The following CNTNAP4 variants were observed in gnomAD, a reference collection of about 807,000 sequenced individuals.
The protein encoded by CNTNAP4 is contactin associated protein family member 4.
CNTNAP4 carries 98 observed loss-of-function variants against 148.4 expected under a neutral mutation model. That is an observed-to-expected ratio of 0.66 (90% CI 0.56 to 0.78). The LOEUF (loss-of-function observed/expected upper bound fraction) is 0.78. Ranked by LOEUF, CNTNAP4 falls within the 30% of genes least tolerant of loss-of-function variation. CNTNAP4 has a pLI of 0.00. For missense variants in CNTNAP4, 1,935 were observed against 1,565.6 expected (o/e 1.24, Z -3.98); for synonymous variants, 730 against 565.1 (o/e 1.29, Z -4.14).
At chr16:76,540,874 C>G (rs930021525) in intron 21 of CNTNAP4, 84 bp downstream of exon 21, 12 of 878,570 alleles carry the variant, frequency 1.4e-5, no homozygotes, top group Non-Finnish European at 1.9e-5. Flanking sequence ...TACACACACC[C>G]ACTTCGTCAT....
At chr16:76,494,233 G>A (rs16944480) in intron 13 of CNTNAP4, among the ~76,000 whole-genome samples, 2,804 of 152,174 alleles carry the variant, frequency 0.018, 31 homozygotes, top group South Asian at 0.025. Flanking sequence ...AACATTTATC[G>A]TAGGAAGAGA....
intron 2 of CNTNAP4, among the ~76,000 whole-genome samples, chr16:76,334,087 C>T (rs113149831): frequency 0.011 from 1,733 of 151,626 alleles, 35 homozygotes; most frequent in African/African-American, 0.039. Context: ...CACTAAATGA[C>T]GAGTTAATGG....
intron 15 of CNTNAP4, among the ~76,000 whole-genome samples, chr16:76,502,368 TA>T (rs2082684468): frequency 6.7e-6 from 1 of 148,648 alleles, no homozygotes; most frequent in South Asian, 2.1e-4. Flanking sequence ...ACGCCATAGG[TA>T]CTTTTTTTTT....
At chr16:76,433,217 A>G (rs1337714905) in intron 4 of CNTNAP4, among the ~76,000 whole-genome samples, 1 of 152,146 alleles carries the variant, frequency 6.6e-6, no homozygotes. Context: ...CAAGCTTAGT[A>G]AGCCTCAGGA....
At chr16:76,450,704 A>G (rs1228650288) in intron 7 of CNTNAP4, among the ~76,000 whole-genome samples, 1 of 152,228 alleles carries the variant, frequency 6.6e-6, no homozygotes, top group East Asian at 1.9e-4. Flanking sequence ...GCATCGGCCA[A>G]TCTGTCCAAA....
chr16:76,383,779 GA>G (rs1555539557), intron 3 of CNTNAP4, among the ~76,000 whole-genome samples: 7 of 152,160 alleles, frequency 4.6e-5, no homozygotes, highest in Non-Finnish European at 2.9e-5. Flanking sequence ...GTCTGGGACT[GA>G]ATTTAAAATA....
At chr16:76,481,401 C>T (rs904628705) in intron 12 of CNTNAP4, among the ~76,000 whole-genome samples, 7 of 152,132 alleles carry the variant, frequency 4.6e-5, no homozygotes, top group South Asian at 4.2e-4. Context: ...AAATAACAGC[C>T]GGGTGCAGTG....
intron 2 of CNTNAP4, among the ~76,000 whole-genome samples, chr16:76,334,797 C>T (rs374184795): frequency 5.3e-5 from 8 of 152,018 alleles, no homozygotes; most frequent in Non-Finnish European, 1.0e-4. Context: ...GTGTTAGTGA[C>T]TCCTGCTTTA....
chr16:76,342,718 C>T (rs1271428641), intron 2 of CNTNAP4, among the ~76,000 whole-genome samples: 1 of 151,980 alleles, frequency 6.6e-6, no homozygotes, highest in East Asian at 1.9e-4. Context: ...GTGATCTGCC[C>T]ACCTCGGCAT....
At chr16:76,303,498 G>A (rs952521234) in intron 1 of CNTNAP4, among the ~76,000 whole-genome samples, 2 of 152,152 alleles carry the variant, frequency 1.3e-5, no homozygotes, top group Non-Finnish European at 2.9e-5. Flanking sequence ...ATTTCAGGTT[G>A]AAAATATCAG....
chr16:76,499,079 T>C (rs908491103), intron 15 of CNTNAP4, among the ~76,000 whole-genome samples: 5 of 151,114 alleles, frequency 3.3e-5, no homozygotes, highest in African/African-American at 1.2e-4. Flanking sequence ...TTTTTTTTTT[T>C]TTTTTTGAGA....
At chr16:76,541,005 G>A (rs1009788431) in intron 21 of CNTNAP4, among the ~76,000 whole-genome samples, 1 of 152,026 alleles carries the variant, frequency 6.6e-6, no homozygotes, top group Non-Finnish European at 1.5e-5. Flanking sequence ...TGATGGTAAG[G>A]TCACTCTGGT....
intron 13 of CNTNAP4, among the ~76,000 whole-genome samples, chr16:76,491,314 G>A (rs1164365028): frequency 6.6e-6 from 1 of 152,214 alleles, no homozygotes; most frequent in African/African-American, 2.4e-5. Flanking sequence ...AGCTGGAGGT[G>A]TGGGTGTGTT....
intron 3 of CNTNAP4, among the ~76,000 whole-genome samples, chr16:76,365,007 G>C (rs1240812423): frequency 6.6e-6 from 1 of 152,102 alleles, no homozygotes; most frequent in Admixed American, 6.6e-5. Flanking sequence ...TATGGTTATA[G>C]GTCTTACGTT....
At chr16:76,316,582 C>A (rs1431470205) in intron 2 of CNTNAP4, 59 bp downstream of exon 2, 1 of 1,079,978 alleles carries the variant, frequency 9.3e-7, no homozygotes, top group Non-Finnish European at 1.4e-6. Context: ...TTTTCATTAT[C>A]TTTGCATACA....
At chr16:76,294,744 A>C (rs1049390574) in intron 1 of CNTNAP4, among the ~76,000 whole-genome samples, 1 of 152,142 alleles carries the variant, frequency 6.6e-6, no homozygotes, top group African/African-American at 2.4e-5. Context: ...CATTTCATTC[A>C]TTTATTCACT....
At position 76,559,614 on chromosome 16, in the gene CNTNAP4, A is replaced by C. The variant is rs2085340321; in HGVS notation, c.*931A>C. ...ATATACTTATGAGACTATTTTGCCC[A>C]AACCTAGATCAGTCCTTTATTGGTT... is the stretch of plus-strand genomic sequence containing the variant. On this transcript the variant is annotated 3_prime_UTR_variant, in exon 24 of 24. Coordinates refer to ENST00000611870, the MANE Select transcript of CNTNAP4 (RefSeq NM_033401.5). Among the ~76,000 whole-genome samples, 1 of 152,174 alleles carries C rather than the reference A, an allele frequency of 6.6e-6. No homozygotes were observed. The highest frequency in any genetic ancestry group is 1.5e-5 in the Non-Finnish European group (1 of 68,032).
chr16:76,324,900 T>A (rs1428467450), intron 2 of CNTNAP4, among the ~76,000 whole-genome samples: 1 of 152,176 alleles, frequency 6.6e-6, no homozygotes, highest in Non-Finnish European at 1.5e-5. Flanking sequence ...CCTCTCCAAA[T>A]GCCATCACAC....
intron 2 of CNTNAP4, among the ~76,000 whole-genome samples, chr16:76,337,234 G>A (rs1382895427): frequency 6.6e-6 from 1 of 152,192 alleles, no homozygotes; most frequent in East Asian, 1.9e-4. Context: ...GGTTTCCTTA[G>A]CCTTGAATGA....
Sources: allele counts gnomAD v4.1 joint callset (sites outside exome capture counted in the v4.1 genomes callset), GRCh38; gene constraint gnomAD v4.1.1; transcripts MANE v1.5; gene names NCBI Gene and HGNC (gene_info 2026-07-23, HGNC 2026-07-21).